Variants in PCED1B observed in about 807,000 individuals in gnomAD.
PCED1B encodes the protein PC-esterase domain containing 1B, also known as PC-esterase domain-containing protein 1B.
For missense variants in PCED1B, 573 were observed against 573.9 expected (o/e 1.00, Z 0.02); for synonymous variants, 251 against 246.1 (o/e 1.02, Z -0.19).
chr12:47,109,203 A>T (rs1939085918), intron 2 of PCED1B, among the ~76,000 whole-genome samples: 1 of 152,230 alleles, frequency 6.6e-6, no homozygotes, highest in South Asian at 2.1e-4. Flanking sequence ...TAGATTTAGG[A>T]TGTAGAAGTC....
chr12:47,135,215 G>A (rs889182015), intron 2 of PCED1B, among the ~76,000 whole-genome samples: 3 of 152,108 alleles, frequency 2.0e-5, no homozygotes, highest in Admixed American at 6.5e-5. Context: ...CATACAATGG[G>A]CTTGCTCCTT....
chr12:47,109,448 G>A (rs892057900), intron 2 of PCED1B, among the ~76,000 whole-genome samples: 2 of 151,500 alleles, frequency 1.3e-5, no homozygotes, highest in Admixed American at 6.6e-5. Flanking sequence ...TCTTACACCT[G>A]CCTGGTGGTT....
At chr12:47,153,531 A>AT (rs2137464386) in intron 2 of PCED1B, among the ~76,000 whole-genome samples, 1 of 152,252 alleles carries the variant, frequency 6.6e-6, no homozygotes, top group African/African-American at 2.4e-5. Flanking sequence ...AGTCCTTTGA[A>AT]TATAAGGACA....
At chr12:47,168,868 C>A (rs950876316) in intron 2 of PCED1B, among the ~76,000 whole-genome samples, 2 of 151,596 alleles carry the variant, frequency 1.3e-5, no homozygotes, top group African/African-American at 2.4e-5. Context: ...GAGAATATAA[C>A]CTGTAAAATT....
At chr12:47,206,757 CA>C (rs56132989) in intron 2 of PCED1B, among the ~76,000 whole-genome samples, 6 of 148,066 alleles carry the variant, frequency 4.1e-5, no homozygotes, top group Admixed American at 2.7e-4. Context: ...GCCCCCGCAA[CA>C]AAAAAAAAAT....
At chr12:47,217,523 GAGAA>G (rs1565608242) in intron 3 of PCED1B, among the ~76,000 whole-genome samples, 2 of 115,656 alleles carry the variant, frequency 1.7e-5, no homozygotes, top group Non-Finnish European at 3.4e-5. Context: ...AAAGAAGAAA[GAGAA>G]AGAGAGAAAA....
Position 47,235,189 on chromosome 12 carries a change from G to A in PCED1B, c.126G>A (p.Leu42=), listed in dbSNP as rs1312469122. 1.3e-6 allele frequency: 2 copies of A among 1,597,938 alleles called. No homozygotes were observed. The highest frequency in any genetic ancestry group is 1.7e-5 in the Admixed American group (1 of 59,114). The change falls in exon 4 of 4, where the codon CTG becomes CTA. Residue 42 remains leucine (L), a synonymous_variant. Transcript: ENST00000546455. ...DLVLLLQKDR[L]LTPGQLRARG... Reference sequence around the variant, plus strand: ...TGCTTCTGCTGCAGAAGGACCGCCTGCTCACTCCCGGGCAGCTTAGAGCAA... The same window carrying A: ...TGCTTCTGCTGCAGAAGGACCGCCTACTCACTCCCGGGCAGCTTAGAGCAA...
chr12:47,183,970 A>G (rs1370613392), intron 2 of PCED1B, among the ~76,000 whole-genome samples: 1 of 152,234 alleles, frequency 6.6e-6, no homozygotes, highest in African/African-American at 2.4e-5. Flanking sequence ...GGCAGAGCTG[A>G]CATTTTATTG....
chr12:47,162,124 G>T (rs185150464), intron 2 of PCED1B, among the ~76,000 whole-genome samples: 15 of 147,796 alleles, frequency 1.0e-4, no homozygotes, highest in East Asian at 3.9e-4. Flanking sequence ...GGGGTGGTGG[G>T]GGGGGGAAGG....
chr12:47,117,359 C>A lies in PCED1B; in HGVS notation c.-526+13164C>A, dbSNP rs967488136. On this transcript the variant is annotated intron_variant, in intron 2 of 3. Transcript: ENST00000546455. ...CTATCCCTCCCCCCTACCTCCACCC[C>A]ATGACAGGCCCCAGTGTGTGATGTT... Among the ~76,000 whole-genome samples, 6 of 152,150 alleles carry A rather than the reference C, an allele frequency of 3.9e-5. 1 individual carries two copies. Among genetic ancestry groups the A allele is most frequent in the Non-Finnish European group, 1.5e-5 (1 of 68,018 alleles).
At position 47,235,444 on chromosome 12, in the gene PCED1B, C is replaced by T. The variant is rs767824105; in HGVS notation, c.381C>T (p.Asp127=). The change falls in exon 4 of 4, where the codon GAC becomes GAT. Residue 127 remains aspartate, a synonymous_variant. Transcript: ENST00000546455. ...TCATCATGAATTCCTGCCTCTGGGA[C>T]ATCTCCAGGTATGGTCCGAACTCCT... ...DLVIMNSCLW[D]ISRYGPNSWR... 2 of 1,614,064 alleles carry T rather than the reference C, an allele frequency of 1.2e-6. No individual in the cohort carries two copies. Among genetic ancestry groups the T allele is most frequent in the Non-Finnish European group, 8.5e-7 (1 of 1,180,040 alleles).
At chr12:47,147,622 G>T (rs746732789) in intron 2 of PCED1B, among the ~76,000 whole-genome samples, 1 of 151,724 alleles carries the variant, frequency 6.6e-6, no homozygotes, top group Non-Finnish European at 1.5e-5. Context: ...TATTCTATCT[G>T]TCTACCATCC....
chr12:47,223,155 G>C (rs74722840), intron 3 of PCED1B, among the ~76,000 whole-genome samples: 1 of 152,238 alleles, frequency 6.6e-6, no homozygotes, highest in East Asian at 1.9e-4. Flanking sequence ...GGAACTGCCA[G>C]AGAAAGAGAA....
chr12:47,113,946 A>C lies in PCED1B; in HGVS notation c.-526+9751A>C, dbSNP rs564208830. Among the ~76,000 whole-genome samples, 48 of 110,518 alleles carry C rather than the reference A, an allele frequency of 4.3e-4. 1 individual carries two copies. In the South Asian group the frequency reaches 0.014, roughly 32 times the overall value. The allele number at this position is 110,518 out of a possible 152,430, so 72.5% of individuals were successfully genotyped here. ...AGCCTGAGTGACAGAGCATGACTCC[A>C]TCTAAAAAAGAAAAAAAAAACACAC... On this transcript the variant is annotated intron_variant, in intron 2 of 3. Transcript: ENST00000546455.
chr12:47,225,234 G>T (rs1943600978), intron 3 of PCED1B, among the ~76,000 whole-genome samples: 1 of 152,086 alleles, frequency 6.6e-6, no homozygotes, highest in South Asian at 2.1e-4. Context: ...ACCCAGCCTG[G>T]CAATTATTTT....
intron 2 of PCED1B, chr12:47,187,692 C>G (rs1239087184): frequency 2.6e-5 from 4 of 152,654 alleles, no homozygotes. Flanking sequence ...AGGCAACTCC[C>G]AACTCTGCAA....
chr12:47,209,357 A>G (rs1402345091), intron 2 of PCED1B: 5 of 152,328 alleles, frequency 3.3e-5, no homozygotes, highest in African/African-American at 1.2e-4. Context: ...ATGGTGGCAC[A>G]TGCCTGTAAT....
intron 2 of PCED1B, among the ~76,000 whole-genome samples, chr12:47,178,643 C>A (rs1020979053): frequency 6.6e-6 from 1 of 151,658 alleles, no homozygotes; most frequent in Non-Finnish European, 1.5e-5. Flanking sequence ...CTGAGGTGGG[C>A]AAATCACAAG....
intron 2 of PCED1B, among the ~76,000 whole-genome samples, chr12:47,123,552 G>A (rs555201343): frequency 6.6e-6 from 1 of 152,126 alleles, no homozygotes; most frequent in East Asian, 1.9e-4. Context: ...AAATTCTATA[G>A]TAAGGCCACC....
Sources: gnomAD v4.1 joint callset for allele counts (sites outside exome capture counted in the v4.1 genomes callset) on GRCh38, gnomAD v4.1.1 for gene constraint, MANE v1.5 for transcripts, NCBI Gene and HGNC (gene_info 2026-07-23, HGNC 2026-07-21) for gene names.